SDK2: variants seen among roughly 807,000 people sequenced by gnomAD.
SDK2 encodes sidekick cell adhesion molecule 2.
SDK2 carries 105 observed loss-of-function variants against 253.9 expected under a neutral mutation model. The observed-to-expected ratio is 0.41, with a 90% CI of 0.35 to 0.49. The LOEUF is 0.49. SDK2 is among the 20% of genes least tolerant of loss of function. SDK2 has a pLI of 0.06. For missense variants in SDK2, 2,608 were observed against 3,003.0 expected (o/e 0.87, Z 3.07); for synonymous variants, 1,249 against 1,234.9 (o/e 1.01, Z -0.24).
At chr17:73,404,695 C>T (rs1037556113) in intron 18 of SDK2, among the ~76,000 whole-genome samples, 5 of 152,206 alleles carry the variant, frequency 3.3e-5, no homozygotes, top group Admixed American at 3.3e-4. Flanking sequence ...TCTGTGCCTT[C>T]TCCTTGTTAG....
At chr17:73,637,540 G>A (rs2046346907) in intron 1 of SDK2, among the ~76,000 whole-genome samples, 1 of 152,136 alleles carries the variant, frequency 6.6e-6, no homozygotes, top group Non-Finnish European at 1.5e-5. Flanking sequence ...CACCACACCT[G>A]GTTAATTTTT....
intron 1 of SDK2, among the ~76,000 whole-genome samples, chr17:73,633,342 A>ATAG (rs2046291975): frequency 6.6e-6 from 1 of 152,200 alleles, no homozygotes; most frequent in Admixed American, 6.5e-5. Flanking sequence ...AGGTCATGGG[A>ATAG]TAGTAGGTGG....
intron 28 of SDK2, among the ~76,000 whole-genome samples, chr17:73,390,793 G>A (rs1340081716): frequency 2.0e-5 from 3 of 152,246 alleles, no homozygotes; most frequent in Non-Finnish European, 4.4e-5. Context: ...TGACAGAGCT[G>A]GAATCCCAGC....
intron 36 of SDK2, among the ~76,000 whole-genome samples, chr17:73,371,542 G>C (rs931456137): frequency 2.6e-5 from 4 of 152,252 alleles, no homozygotes; most frequent in Admixed American, 6.5e-5. Flanking sequence ...GCGGGGATGA[G>C]AACCTATTTG....
chr17:73,355,176 T>TATATATA (rs1568363071), intron 40 of SDK2, among the ~76,000 whole-genome samples: 11 of 5,788 alleles, frequency 1.9e-3, no homozygotes, highest in African/African-American at 4.7e-3. Context: ...ATATATATAT[T>TATATATA]TTTTTTTTTT....
chr17:73,459,002 T>C (rs1451146626), intron 3 of SDK2, among the ~76,000 whole-genome samples: 11 of 152,008 alleles, frequency 7.2e-5, no homozygotes, highest in Admixed American at 7.2e-4. Flanking sequence ...GGAAACTCCA[T>C]CTCACAGAAA....
Position 73,456,944 on chromosome 17 carries a change from G to C in SDK2, c.332-891C>G, listed in dbSNP as rs148818411. 8.8e-3 allele frequency among the ~76,000 whole-genome samples: 1,348 copies of C among 152,344 alleles called. 20 individuals carry two copies. Among genetic ancestry groups the C allele is most frequent in the African/African-American group, 0.031 (1,280 of 41,578 alleles). On this transcript the variant is annotated intron_variant, in intron 3 of 44. Coordinates refer to ENST00000392650, the MANE Select transcript of SDK2 (RefSeq NM_001144952.2). ...CTGTTACTTTGATTGTGGCCCATGG[G>C]CAGGTGCCTAGGCACCACACCTGGG... is the stretch of plus-strand genomic sequence containing the variant.
At chr17:73,426,208 CTTTTTTTT>C (rs751417057) in intron 12 of SDK2, among the ~76,000 whole-genome samples, 266 of 29,164 alleles carry the variant, frequency 9.1e-3, no homozygotes, top group East Asian at 0.035. Context: ...CCATGCTGGG[CTTTTTTTT>C]TTTTTTTTTT....
chr17:73,511,964 CA>C lies in SDK2; in HGVS notation c.65-4368del. 6.6e-6 allele frequency among the ~76,000 whole-genome samples: 1 copy of C among 152,196 alleles called. No homozygotes were observed. The highest frequency in any genetic ancestry group is 3.4e-3 in the Middle Eastern group (1 of 294). On this transcript the variant is annotated intron_variant, in intron 1 of 44. Coordinates refer to ENST00000392650, the MANE Select transcript of SDK2 (RefSeq NM_001144952.2). This position sits in a 1 kb window ranked among gnomAD's most constrained non-coding sequence, Gnocchi z 4.9. Reference sequence around the variant, plus strand: ...ATGTATGTCCATGTGTGGACATTCACATATCTGTGAATGTCAATGTGTGTGT... The same window carrying C: ...ATGTATGTCCATGTGTGGACATTCACTATCTGTGAATGTCAATGTGTGTGT...
intron 18 of SDK2, among the ~76,000 whole-genome samples, chr17:73,408,528 A>G (rs1306923504): frequency 6.6e-6 from 1 of 152,090 alleles, no homozygotes; most frequent in Non-Finnish European, 1.5e-5. Context: ...CCCGAAGTAA[A>G]ATATTTCAAA....
At chr17:73,530,070 G>A (rs2064157422) in intron 1 of SDK2, among the ~76,000 whole-genome samples, 1 of 152,140 alleles carries the variant, frequency 6.6e-6, no homozygotes, top group Non-Finnish European at 1.5e-5. Flanking sequence ...CATTCCAGTC[G>A]AACCCATACC....
chr17:73,355,579 C>T (rs1235157294), intron 40 of SDK2, among the ~76,000 whole-genome samples: 1 of 152,066 alleles, frequency 6.6e-6, no homozygotes, highest in Non-Finnish European at 1.5e-5. Context: ...ATCTCCTGAC[C>T]TCGTGATCCG....
chr17:73,491,116 G>A (rs950031776), intron 2 of SDK2, among the ~76,000 whole-genome samples: 6 of 152,168 alleles, frequency 3.9e-5, no homozygotes, highest in Admixed American at 2.0e-4. Context: ...ATGGGCTGGC[G>A]TAAGGCATAG....
chr17:73,494,863 C>T (rs925400464), intron 2 of SDK2, among the ~76,000 whole-genome samples: 1 of 152,228 alleles, frequency 6.6e-6, no homozygotes, highest in Non-Finnish European at 1.5e-5. Context: ...CGTGCAGGAC[C>T]GCGTGCATCT....
At chr17:73,403,158 G>A (rs1013904543) in intron 18 of SDK2, among the ~76,000 whole-genome samples, 2 of 152,190 alleles carry the variant, frequency 1.3e-5, no homozygotes, top group Non-Finnish European at 2.9e-5. Context: ...CAGGTAGGGG[G>A]AAGCTGGTTC....
At chr17:73,406,466 T>G (rs1056779168) in intron 18 of SDK2, among the ~76,000 whole-genome samples, 4 of 151,862 alleles carry the variant, frequency 2.6e-5, no homozygotes, top group Non-Finnish European at 5.9e-5. Context: ...GCCATGGTGG[T>G]CTTGAACTCC....
rs531490962 is a variant in SDK2, at chr17:73,450,523, T to C, written c.480-2775A>G. Among the ~76,000 whole-genome samples, 14 of 152,240 alleles carry C rather than the reference T, an allele frequency of 9.2e-5. No homozygotes were observed. The South Asian group carries it at 2.9e-3, about 32-fold the overall frequency. On this transcript the variant is annotated intron_variant, in intron 4 of 44. Coordinates refer to ENST00000392650, the MANE Select transcript of SDK2 (RefSeq NM_001144952.2). ...CATCCATGACTATCATAGAAGCAGC[T>C]TCAAGCCTCCAGTGGGCACACTGGG...
rs1362562663 is a variant in SDK2, at chr17:73,405,484, ATATATATATATATATATATATATATATAT to A, written c.2485-3372_2485-3344del. On this transcript the variant is annotated intron_variant, in intron 18 of 44. Transcript: ENST00000392650. ...CAAAAAACCATATATATATATATAT[ATATATATATATATATATATATATATATAT>A]ATATAAAGATCGAGAATGTGGAAAG... Among the ~76,000 whole-genome samples, 131 of 84,628 alleles carry A rather than the reference ATATATATATATATATATATATATATATAT, an allele frequency of 1.5e-3. 12 individuals carry two copies. Among genetic ancestry groups the A allele is most frequent in the East Asian group, 0.011 (22 of 2,014 alleles). The allele number at this position is 84,628 out of a possible 152,430, so 55.5% of individuals were successfully genotyped here.
chr17:73,575,590 G>A (rs181404355), intron 1 of SDK2, among the ~76,000 whole-genome samples: 8 of 152,360 alleles, frequency 5.3e-5, no homozygotes, highest in Admixed American at 5.2e-4. Flanking sequence ...CTGCAGAATA[G>A]AGCAGTCATC....
Sources: allele counts gnomAD v4.1 joint callset (sites outside exome capture counted in the v4.1 genomes callset), GRCh38; gene constraint gnomAD v4.1.1; non-coding constraint Gnocchi (gnomAD v3.1); transcripts MANE v1.5; gene names NCBI Gene and HGNC (gene_info 2026-07-23, HGNC 2026-07-21).